CFAP57: variants seen among roughly 807,000 people sequenced by gnomAD.
The protein encoded by CFAP57 is cilia and flagella associated protein 57, also known as cilia- and flagella-associated protein 57.
Under a neutral mutation model 146.8 loss-of-function variants are expected in CFAP57, and 116 were observed. That is an observed-to-expected ratio of 0.79 (90% CI 0.68 to 0.92). The LOEUF (loss-of-function observed/expected upper bound fraction) is 0.92, where lower values mean the gene tolerates loss of function less well. Among genes scored for constraint, CFAP57 ranks in the 40% least tolerant of loss-of-function variants. The pLI is 0.00. For synonymous variants in CFAP57, 518 were observed against 552.8 expected (o/e 0.94, Z 0.88); for missense variants, 1,377 against 1,527.2 (o/e 0.90, Z 1.64).
intron 21 of CFAP57, among the ~76,000 whole-genome samples, chr1:43,237,577 G>A (rs1250113975): frequency 6.6e-6 from 1 of 152,194 alleles, no homozygotes; most frequent in Admixed American, 6.5e-5. Context: ...AGGACTTGTG[G>A]AAGGTTTCTG....
rs555631145 is a variant in CFAP57, at chr1:43,252,622, A to G, written c.3539-1355A>G. Among the ~76,000 whole-genome samples, 5 of 152,318 alleles carry G rather than the reference A, an allele frequency of 3.3e-5. No homozygotes were observed. The South Asian group carries it at 1.0e-3, about 32-fold the overall frequency. ...AAACCACCAGAAGTGAAAATCAACA[A>G]CAACAAAAAAATCAAACTACAGAAT... On this transcript the variant is annotated intron_variant, in intron 22 of 22. Coordinates refer to ENST00000372492, the MANE Select transcript of CFAP57 (RefSeq NM_001378189.1).
At chr1:43,183,966 C>A in intron 4 of CFAP57, 89 bp downstream of exon 4, 2 of 1,537,874 alleles carry the variant, frequency 1.3e-6, no homozygotes, top group Middle Eastern at 4.6e-4. Context: ...CCACTCATAA[C>A]CCCTCTACCG....
At chr1:43,186,948 T>C in intron 6 of CFAP57, 89 bp downstream of exon 6, 1 of 1,505,744 alleles carries the variant, frequency 6.6e-7, no homozygotes, top group Non-Finnish European at 9.1e-7. Flanking sequence ...TTAATCCAAA[T>C]AAGTTAGCAT....
At chr1:43,215,159 A>T (rs1399812107) in intron 11 of CFAP57, 96 bp from the exon 12 acceptor site, 14 of 1,426,118 alleles carry the variant, frequency 9.8e-6, no homozygotes, top group Non-Finnish European at 1.3e-5. Context: ...GGCTGTGCCC[A>T]GGATTGCATG....
At chr1:43,221,350 A>C (rs1409978552) in intron 13 of CFAP57, 22 bp from the exon 14 acceptor site, 7 of 1,518,084 alleles carry the variant, frequency 4.6e-6, no homozygotes, top group Non-Finnish European at 6.2e-6. Context: ...TGTGTAAATG[A>C]GGAAATGTGA....
At position 43,199,449 on chromosome 1, in the gene CFAP57, T is replaced by G; in HGVS notation, c.1488T>G (p.Val496=). The part of the protein sequence containing the change: ...FAAVNGNVIH[V]YTTTSLENIS... ...CAGTCAATGGAAATGTGATTCACGT[T>G]TACACCACCACGAGCCTAGAGAACA... The change falls in exon 9 of 23, where the codon GTT becomes GTG. Residue 496 remains valine, a synonymous_variant. Coordinates refer to ENST00000372492, the MANE Select transcript of CFAP57 (RefSeq NM_001378189.1). The G allele has an allele frequency of 6.2e-7, 1 of 1,614,072 alleles. No homozygotes were observed. Among genetic ancestry groups the G allele is most frequent in the Non-Finnish European group, 8.5e-7 (1 of 1,180,016 alleles).
In CFAP57 at chr1:43,224,215, CCTT is replaced by C; in HGVS notation, c.2865+14_2865+16del. The C allele has an allele frequency of 2.0e-6, 3 of 1,520,044 alleles. No individual in the cohort carries two copies. Among genetic ancestry groups the C allele is most frequent in the Non-Finnish European group, 1.8e-6 (2 of 1,130,744 alleles). The allele number at this position is 1,520,044 out of a possible 1,614,324, so 94.2% of individuals were successfully genotyped here. A position where few individuals can be genotyped will look rare whatever the true frequency, so the allele number is the denominator to read the frequency against. On this transcript the variant is annotated intron_variant, in intron 17 of 22. Coordinates refer to ENST00000372492, the MANE Select transcript of CFAP57 (RefSeq NM_001378189.1). ...ACTATTCAAGACAAGGTGCAGCTCT[CCTT>C]CTGTCCTCCCTCAGCTACGGCCAGA...
intron 21 of CFAP57, among the ~76,000 whole-genome samples, chr1:43,235,518 C>T (rs574580974): frequency 6.6e-6 from 1 of 152,324 alleles, no homozygotes; most frequent in Non-Finnish European, 1.5e-5. Flanking sequence ...CCCAGCTTGG[C>T]CAGTTCATAC....
At chr1:43,220,504 C>T (rs773529107) in intron 13 of CFAP57, among the ~76,000 whole-genome samples, 3 of 152,266 alleles carry the variant, frequency 2.0e-5, no homozygotes, top group South Asian at 2.1e-4. Context: ...GCAGGAGGAT[C>T]GCTTGTATCC....
intron 13 of CFAP57, 109 bp from the exon 14 acceptor site, chr1:43,221,263 C>T (rs1344402930): frequency 2.8e-6 from 2 of 706,062 alleles, no homozygotes; most frequent in Non-Finnish European, 4.5e-6. Context: ...AAAATGAGGG[C>T]TTGAGAAATG....
intron 22 of CFAP57, among the ~76,000 whole-genome samples, chr1:43,247,770 C>T (rs6657897): frequency 0.31 from 47,217 of 152,088 alleles, 8,575 homozygotes; most frequent in Non-Finnish European, 0.41. Context: ...ACAGACCATG[C>T]GTGACATGCT....
Position 43,190,426 on chromosome 1 carries a change from A to G in CFAP57, c.1122+3567A>G, listed in dbSNP as rs553025284. On this transcript the variant is annotated intron_variant, in intron 6 of 22. Transcript: ENST00000372492. ...GCTGGAGCTACAGGCGCCCGCCACCATGCCCAGCTAATTTTTTGTATTTTT... is the reference window on the plus strand; with the variant it reads ...GCTGGAGCTACAGGCGCCCGCCACCGTGCCCAGCTAATTTTTTGTATTTTT... Among the ~76,000 whole-genome samples the G allele has an allele frequency of 3.3e-5, 5 of 152,120 alleles. No individual in the cohort carries two copies. The South Asian group carries it at 6.2e-4, about 19-fold the overall frequency.
chr1:43,246,380 T>C (rs1445522222), intron 22 of CFAP57, among the ~76,000 whole-genome samples: 1 of 152,058 alleles, frequency 6.6e-6, no homozygotes, highest in Admixed American at 6.6e-5. Flanking sequence ...CTCAAATAAA[T>C]GGTCAAGTGA....
intron 2 of CFAP57, among the ~76,000 whole-genome samples, 155 bp from the exon 3 acceptor site, chr1:43,181,379 A>G (rs1329609490): frequency 6.6e-6 from 1 of 151,942 alleles, no homozygotes; most frequent in Non-Finnish European, 1.5e-5. Context: ...GCCCCTAGTC[A>G]TTTTCATAAT....
intron 21 of CFAP57, among the ~76,000 whole-genome samples, chr1:43,239,224 A>G (rs371172954): frequency 6.9e-6 from 1 of 145,248 alleles, no homozygotes; most frequent in Non-Finnish European, 1.5e-5. Context: ...CTTTTCTTAC[A>G]TGAATACGTG....
At chr1:43,190,074 G>A (rs1643401116) in intron 6 of CFAP57, among the ~76,000 whole-genome samples, 1 of 152,054 alleles carries the variant, frequency 6.6e-6, no homozygotes, top group Non-Finnish European at 1.5e-5. Flanking sequence ...AATTCCTTAG[G>A]ATTTTCTATA....
At chr1:43,194,412 GTC>G (rs1434112258) in intron 6 of CFAP57, among the ~76,000 whole-genome samples, 23 of 151,974 alleles carry the variant, frequency 1.5e-4, no homozygotes, top group African/African-American at 5.3e-4. Flanking sequence ...GCCAAAATGT[GTC>G]TGTTTGTGGA....
intron 21 of CFAP57, among the ~76,000 whole-genome samples, chr1:43,242,278 CA>C (rs1275692364): frequency 6.6e-6 from 1 of 152,206 alleles, no homozygotes; most frequent in Non-Finnish European, 1.5e-5. Context: ...TCCTCCATCA[CA>C]GCAAGGTGGC....
Position 43,183,864 on chromosome 1 carries a change from C to G in CFAP57, c.748C>G (p.Gln250Glu). ...TGGCTCAAAGAGCCTGGATGTCATT[C>G]AGGAATCAGAGAGGTAATGGTGCTT... ...TNGSKSLDVI[Q>E]ESESLIEFPP... The change falls in exon 4 of 23, where the codon CAG (glutamine) becomes GAG (glutamate). Residue 250 changes from glutamine (Q) to glutamate (E), a missense_variant. Transcript: ENST00000372492. The G allele has an allele frequency of 6.2e-7, 1 of 1,614,056 alleles. No individual in the cohort carries two copies. The highest frequency in any genetic ancestry group is 8.5e-7 in the Non-Finnish European group (1 of 1,180,028).
Sources: gnomAD v4.1 joint callset for allele counts (sites outside exome capture counted in the v4.1 genomes callset) on GRCh38, gnomAD v4.1.1 for gene constraint, MANE v1.5 for transcripts, NCBI Gene and HGNC (gene_info 2026-07-23, HGNC 2026-07-21) for gene names.